The following NT5C2 variants were observed in gnomAD, a reference collection of about 807,000 sequenced individuals.
The protein encoded by NT5C2 is cytosolic purine 5'-nucleotidase.
NT5C2 carries 58 observed loss-of-function variants against 76.1 expected under a neutral mutation model. That is an observed-to-expected ratio of 0.76 (90% CI 0.62 to 0.95). The LOEUF is 0.95. Ranked by LOEUF, NT5C2 falls within the 40% of genes least tolerant of loss-of-function variation. The probability of loss-of-function intolerance (pLI) is 0.00; values close to 1 mark genes in which losing one functional copy is unlikely to be tolerated. For synonymous variants in NT5C2, 229 were observed against 237.4 expected, an observed-to-expected ratio of 0.96 and a Z score of 0.32; for missense variants, 478 against 690.3, an observed-to-expected ratio of 0.69 and a Z score of 3.45.
chr10:103,192,830 C>G (rs115952365), intron 1 of NT5C2, among the ~76,000 whole-genome samples: 6,089 of 152,196 alleles, frequency 0.04, 141 homozygotes, highest in Non-Finnish European at 0.052. Context: ...AGGACGTCAG[C>G]AGGACTGAGG....
chr10:103,174,809 G>T, intron 3 of NT5C2, 49 bp downstream of exon 3: 1 of 1,173,736 alleles, frequency 8.5e-7, no homozygotes, highest in Non-Finnish European at 1.3e-6. Flanking sequence ...GTAAAATGAA[G>T]TCCCACTTCA....
Position 103,162,169 on chromosome 10 carries a change from C to T in NT5C2, c.101+12689G>A, listed in dbSNP as rs553720061. Among the ~76,000 whole-genome samples, 13 of 152,182 alleles carry T rather than the reference C, an allele frequency of 8.5e-5. No homozygotes were observed. In the South Asian group the frequency reaches 2.5e-3, roughly 29 times the overall value. On this transcript the variant is annotated intron_variant, in intron 3 of 18. Coordinates refer to ENST00000404739, the MANE Select transcript of NT5C2 (RefSeq NM_001351169.2). The stretch of plus-strand genomic sequence containing the variant: ...TAGCTGGGACTACAGGCACGCACCA[C>T]CACGCCCAGCAAATTTTTGTATTTT...
At chr10:103,192,766 A>G (rs1005311828) in intron 1 of NT5C2, among the ~76,000 whole-genome samples, 2 of 152,106 alleles carry the variant, frequency 1.3e-5, no homozygotes, top group Admixed American at 6.5e-5. Flanking sequence ...AGGCTTTTAC[A>G]AGAAGCGAAA....
intron 4 of NT5C2, among the ~76,000 whole-genome samples, chr10:103,133,499 G>C (rs563955773): frequency 6.6e-6 from 1 of 152,284 alleles, no homozygotes; most frequent in South Asian, 2.1e-4. Flanking sequence ...GACCTCAGGT[G>C]ATCTGCCCAC....
chr10:103,089,924 C>A lies in NT5C2; in HGVS notation c.1450-16G>T. ...CATGAGGCATCTAGACAGAAAAAAG[C>A]TAGAGGCTCAGAAAGCAGGCAGAGC... On this transcript the variant is annotated splice_polypyrimidine_tract_variant and intron_variant, in intron 18 of 18. Transcript: ENST00000404739. The A allele has an allele frequency of 6.4e-7, 1 of 1,567,436 alleles. No homozygotes were observed. Among genetic ancestry groups the A allele is most frequent in the Non-Finnish European group, 8.7e-7 (1 of 1,155,652 alleles).
Position 103,101,046 on chromosome 10 carries a change from TG to T in NT5C2, c.537del (p.Ser180ValfsTer22). The T allele has an allele frequency of 6.7e-7, 1 of 1,496,710 alleles. No homozygotes were observed. The highest frequency in any genetic ancestry group is 9.3e-7 in the Non-Finnish European group (1 of 1,073,448). 92.7% of individuals were successfully genotyped at this position (1,496,710 alleles called of 1,614,324 possible). The part of the protein sequence containing the change: ...VDFFTNCPRY[T>X]SCETGFKDGD... ...AAAATAATTATAGTATATACATACCTGGTATATCTGGGACAATTAGTAAAAA... is the reference window on the plus strand; with the variant it reads ...AAAATAATTATAGTATATACATACCTGTATATCTGGGACAATTAGTAAAAA... On this transcript the variant is annotated frameshift_variant and splice_region_variant, in exon 8 of 19. Transcript: ENST00000404739. LOFTEE classifies it high-confidence loss of function.
intron 3 of NT5C2, among the ~76,000 whole-genome samples, chr10:103,164,474 T>A (rs370622417): frequency 2.0e-5 from 3 of 152,110 alleles, no homozygotes; most frequent in East Asian, 3.9e-4. Flanking sequence ...GCCAGGATGG[T>A]CTCGATCTCT....
At chr10:103,094,170 CT>C (rs1337871115) in intron 13 of NT5C2, 132 bp from the exon 14 acceptor site, 2 of 550,256 alleles carry the variant, frequency 3.6e-6, no homozygotes, top group Non-Finnish European at 6.4e-6. Flanking sequence ...GGCACTTACT[CT>C]TTTCAATTAG....
intron 3 of NT5C2, among the ~76,000 whole-genome samples, chr10:103,157,641 T>C (rs2083719557): frequency 1.3e-5 from 2 of 152,148 alleles, no homozygotes; most frequent in South Asian, 2.1e-4. Context: ...AGAATACACA[T>C]TCTTGTCAAA....
chr10:103,145,903 A>T, intron 3 of NT5C2: 1 of 211,318 alleles, frequency 4.7e-6, no homozygotes, highest in Non-Finnish European at 8.2e-6. Context: ...TAGAGCCATT[A>T]ATATAATGTG....
intron 3 of NT5C2, among the ~76,000 whole-genome samples, chr10:103,167,293 C>A (rs1025441012): frequency 1.3e-5 from 2 of 152,140 alleles, no homozygotes; most frequent in African/African-American, 2.4e-5. Context: ...GCTGGGATTA[C>A]AAACATGAGC....
intron 11 of NT5C2, among the ~76,000 whole-genome samples, chr10:103,096,972 G>C (rs2068369818): frequency 6.6e-6 from 1 of 151,864 alleles, no homozygotes; most frequent in Non-Finnish European, 1.5e-5. Context: ...CATCAATAAG[G>C]GGTGTGACTG....
At chr10:103,099,036 C>T in intron 9 of NT5C2, 52 bp from the exon 10 acceptor site, 2 of 1,413,282 alleles carry the variant, frequency 1.4e-6, no homozygotes, top group African/African-American at 2.9e-5. Flanking sequence ...CAGTTTTTAA[C>T]ATGTAGTTTA....
At chr10:103,173,304 T>G (rs1193519044) in intron 3 of NT5C2, among the ~76,000 whole-genome samples, 2 of 152,164 alleles carry the variant, frequency 1.3e-5, no homozygotes, top group African/African-American at 2.4e-5. Flanking sequence ...ACAGTCAGTT[T>G]GTGGTAAATA....
chr10:103,142,926 T>C (rs2080766529), intron 3 of NT5C2, among the ~76,000 whole-genome samples: 1 of 149,056 alleles, frequency 6.7e-6, no homozygotes, highest in African/African-American at 2.5e-5. Context: ...GAGGCAGAGG[T>C]TGCCGTGAGC....
chr10:103,189,797 T>C (rs1285105592), intron 1 of NT5C2, among the ~76,000 whole-genome samples: 1 of 150,116 alleles, frequency 6.7e-6, no homozygotes, highest in East Asian at 2.0e-4. Context: ...GCCTCCTGAG[T>C]AGCTGGGACT....
At chr10:103,183,276 T>TG (rs1184417996) in intron 1 of NT5C2, among the ~76,000 whole-genome samples, 6 of 105,512 alleles carry the variant, frequency 5.7e-5, no homozygotes, top group Admixed American at 3.9e-4. Context: ...TATATATATA[T>TG]ATATATATAT....
chr10:103,186,654 C>T (rs1398367308), intron 1 of NT5C2, among the ~76,000 whole-genome samples: 1 of 152,156 alleles, frequency 6.6e-6, no homozygotes, highest in African/African-American at 2.4e-5. Context: ...GTGGCTCATG[C>T]CTGTAATCCC....
intron 3 of NT5C2, among the ~76,000 whole-genome samples, chr10:103,150,040 C>CAA (rs1291770911): frequency 6.6e-6 from 1 of 152,112 alleles, no homozygotes; most frequent in African/African-American, 2.4e-5. Context: ...AGGAGCTTCT[C>CAA]AAGTCTCATT....
Sources: gnomAD v4.1 joint callset for allele counts (sites outside exome capture counted in the v4.1 genomes callset) on GRCh38, gnomAD v4.1.1 for gene constraint, MANE v1.5 for transcripts, NCBI Gene and HGNC (gene_info 2026-07-23, HGNC 2026-07-21) for gene names.